Variants in KIRREL3 observed in about 807,000 individuals in gnomAD.
KIRREL3 encodes kirre like nephrin family adhesion molecule 3, also known as kin of IRRE-like protein 3.
KIRREL3 carries 36 observed loss-of-function variants against 89.7 expected under a neutral mutation model. The observed-to-expected ratio is 0.40, with a 90% CI of 0.31 to 0.53. KIRREL3 has a LOEUF of 0.53. Ranked by LOEUF, KIRREL3 falls within the 20% of genes least tolerant of loss-of-function variation. KIRREL3 has a pLI of 0.49. For missense variants in KIRREL3, 864 were observed against 1,056.6 expected, an observed-to-expected ratio of 0.82 and a Z score of 2.53; for synonymous variants, 445 against 441.4, an observed-to-expected ratio of 1.01 and a Z score of -0.10.
chr11:126,924,974 G>GA lies in KIRREL3; in HGVS notation c.55+75480dup, dbSNP rs56150011. On this transcript the variant is annotated intron_variant, in intron 1 of 16. Coordinates refer to ENST00000525144, the MANE Select transcript of KIRREL3 (RefSeq NM_032531.4). The surrounding 1 kb of genome is among the most constrained non-coding windows in gnomAD (Gnocchi z 4.7). ...CAGTGGAGGAGGTTGGGATAAAATT[G>GA]AAAAAAAAAAAAAACAGTCCTAGGA... 5.5e-4 allele frequency among the ~76,000 whole-genome samples: 78 copies of GA among 143,102 alleles called. No individual in the cohort carries two copies. The highest frequency in any genetic ancestry group is 4.0e-3 in the East Asian group (19 of 4,776). The allele number at this position is 143,102 out of a possible 152,430, so 93.9% of individuals were successfully genotyped here.
rs1939791268 is a variant in KIRREL3 at position 126,557,505 on chromosome 11, T to C, written c.133+5330A>G. ...GATTCCATTTTGCACATGAGAAGGT[T>C]GAGATCTTAGTGTCTAGGGACTTGC... On this transcript the variant is annotated intron_variant, in intron 2 of 16. Coordinates refer to ENST00000525144, the MANE Select transcript of KIRREL3 (RefSeq NM_032531.4). The surrounding 1 kb of genome is among the most constrained non-coding windows in gnomAD (Gnocchi z 5.6). Among the ~76,000 whole-genome samples, 1 of 152,174 alleles carries C rather than the reference T, an allele frequency of 6.6e-6. No homozygotes were observed. Among genetic ancestry groups the C allele is most frequent in the Non-Finnish European group, 1.5e-5 (1 of 68,026 alleles).
rs981472472 is a variant in KIRREL3 at position 126,574,275 on chromosome 11, C to T, written c.56-11363G>A. Among the ~76,000 whole-genome samples the T allele has an allele frequency of 6.6e-6, 1 of 152,192 alleles. No individual in the cohort carries two copies. Among genetic ancestry groups the T allele is most frequent in the Non-Finnish European group, 1.5e-5 (1 of 68,038 alleles). On this transcript the variant is annotated intron_variant, in intron 1 of 16. Coordinates refer to ENST00000525144, the MANE Select transcript of KIRREL3 (RefSeq NM_032531.4). This position sits in a 1 kb window ranked among gnomAD's most constrained non-coding sequence, Gnocchi z 5.3. ...TGCTAATGGCAGGGCTAGGATTTGACCACAACGCTTGGGGTAAAACCAAAC... is the reference window on the plus strand; with the variant it reads ...TGCTAATGGCAGGGCTAGGATTTGATCACAACGCTTGGGGTAAAACCAAAC...
rs1030743595 is a variant in KIRREL3, at chr11:126,890,311, G to A, written c.55+110144C>T. The stretch of plus-strand genomic sequence containing the variant: ...TCAGCCCTGACCAGCAACAATAGCC[G>A]AGAAAGGGCTTGTACTGGCCATGCC... On this transcript the variant is annotated intron_variant, in intron 1 of 16. Coordinates refer to ENST00000525144, the MANE Select transcript of KIRREL3 (RefSeq NM_032531.4). The surrounding 1 kb of genome is among the most constrained non-coding windows in gnomAD (Gnocchi z 5.1). Among the ~76,000 whole-genome samples, 9 of 152,298 alleles carry A rather than the reference G, an allele frequency of 5.9e-5. No individual in the cohort carries two copies. Among genetic ancestry groups the A allele is most frequent in the Admixed American group, 1.3e-4 (2 of 15,302 alleles).
chr11:126,811,671 CT>C lies in KIRREL3; in HGVS notation c.55+188783del, dbSNP rs1183584048. On this transcript the variant is annotated intron_variant, in intron 1 of 16. Coordinates refer to ENST00000525144, the MANE Select transcript of KIRREL3 (RefSeq NM_032531.4). The surrounding 1 kb of genome is among the most constrained non-coding windows in gnomAD (Gnocchi z 4.3). The stretch of plus-strand genomic sequence containing the variant: ...GCATGATCTCAGCTCATTGCAACCT[CT>C]GCCTCCTAGGTTCAAGAGATTACTC... Among the ~76,000 whole-genome samples, 6 of 152,176 alleles carry C rather than the reference CT, an allele frequency of 3.9e-5. No homozygotes were observed. The highest frequency in any genetic ancestry group is 3.9e-4 in the Admixed American group (6 of 15,272).
rs558203031 is a variant in KIRREL3, at chr11:126,501,738, T to G, written c.433+19577A>C. Among the ~76,000 whole-genome samples, 1 of 152,340 alleles carries G rather than the reference T, an allele frequency of 6.6e-6. No homozygotes were observed. The highest frequency in any genetic ancestry group is 2.4e-5 in the African/African-American group (1 of 41,578). On this transcript the variant is annotated intron_variant, in intron 4 of 16. Coordinates refer to ENST00000525144, the MANE Select transcript of KIRREL3 (RefSeq NM_032531.4). This position sits in a 1 kb window ranked among gnomAD's most constrained non-coding sequence, Gnocchi z 5.8. Reference sequence around the variant, plus strand: ...CTACACTTGCCAACTCGCCTGGCCCTGGGCACTGCTTGCCTCTGCCTGCCT... The same window carrying G: ...CTACACTTGCCAACTCGCCTGGCCCGGGGCACTGCTTGCCTCTGCCTGCCT...
intron 2 of KIRREL3, among the ~76,000 whole-genome samples, chr11:126,552,067 C>A (rs1001269832): frequency 6.6e-6 from 1 of 152,216 alleles, no homozygotes; most frequent in Non-Finnish European, 1.5e-5. Flanking sequence ...TCTTTTGGTT[C>A]GAGACTCTTT....
chr11:126,619,403 C>G (rs778744351), intron 1 of KIRREL3, among the ~76,000 whole-genome samples: 18 of 152,170 alleles, frequency 1.2e-4, no homozygotes, highest in Non-Finnish European at 1.8e-4. Flanking sequence ...ATAGCGAGGG[C>G]TTTGGATTTT....
At position 126,551,147 on chromosome 11, in the gene KIRREL3, CA is replaced by C. The variant is rs1939228321; in HGVS notation, c.133+11687del. Among the ~76,000 whole-genome samples the C allele has an allele frequency of 2.6e-5, 4 of 152,174 alleles. No individual in the cohort carries two copies. Among genetic ancestry groups the C allele is most frequent in the Non-Finnish European group, 4.4e-5 (3 of 68,032 alleles). ...ATTGGGGGGAAGGGGCAGGAGCTTC[CA>C]CGCCCTCCCTGAGTGCGCCACCCTC... On this transcript the variant is annotated intron_variant, in intron 2 of 16. Transcript: ENST00000525144. This position sits in a 1 kb window ranked among gnomAD's most constrained non-coding sequence, Gnocchi z 4.9.
rs1005059535 is a variant in KIRREL3, at chr11:126,643,789, A to C, written c.56-80877T>G. ...GCTGGTGACAGTAGAAATGGAGGAA[A>C]TAGAAAAGAGTTATTATGAACTGGT... On this transcript the variant is annotated intron_variant, in intron 1 of 16. Coordinates refer to ENST00000525144, the MANE Select transcript of KIRREL3 (RefSeq NM_032531.4). This position sits in a 1 kb window ranked among gnomAD's most constrained non-coding sequence, Gnocchi z 4.5. 1.3e-5 allele frequency among the ~76,000 whole-genome samples: 2 copies of C among 152,208 alleles called. No individual in the cohort carries two copies. The highest frequency in any genetic ancestry group is 3.8e-4 in the East Asian group (2 of 5,200).
Position 126,475,682 on chromosome 11 carries a change from C to G in KIRREL3, c.434-2216G>C, listed in dbSNP as rs993001808. ...GGGATGGATGGAGAAGACGACCCCC[C>G]AGCCGCCCACCCCACACCCTTTCAT... On this transcript the variant is annotated intron_variant, in intron 4 of 16. Transcript: ENST00000525144. This position sits in a 1 kb window ranked among gnomAD's most constrained non-coding sequence, Gnocchi z 7.5. Among the ~76,000 whole-genome samples, 17 of 152,328 alleles carry G rather than the reference C, an allele frequency of 1.1e-4. 1 individual carries two copies. The highest frequency in any genetic ancestry group is 8.3e-4 in the South Asian group (4 of 4,832).
intron 1 of KIRREL3, among the ~76,000 whole-genome samples, chr11:126,803,818 C>T (rs1192562345): frequency 6.6e-6 from 1 of 152,174 alleles, no homozygotes; most frequent in Non-Finnish European, 1.5e-5. Flanking sequence ...ACTAGATACA[C>T]TCAAGGGTAA....
chr11:126,887,096 G>C (rs567261903), intron 1 of KIRREL3, among the ~76,000 whole-genome samples: 2 of 152,150 alleles, frequency 1.3e-5, no homozygotes, highest in African/African-American at 4.8e-5. Flanking sequence ...AGCACAGGGG[G>C]ACAGCAGGAA....
At chr11:126,585,209 G>T (rs902287087) in intron 1 of KIRREL3, among the ~76,000 whole-genome samples, 2 of 143,746 alleles carry the variant, frequency 1.4e-5, no homozygotes, top group Admixed American at 1.4e-4. Context: ...GTGAGCCACC[G>T]CGCCCGGCCT....
rs560578371 is a variant in KIRREL3 at position 126,566,766 on chromosome 11, T to C, written c.56-3854A>G. 3.3e-5 allele frequency among the ~76,000 whole-genome samples: 5 copies of C among 152,288 alleles called. No individual in the cohort carries two copies. Among genetic ancestry groups the C allele is most frequent in the African/African-American group, 1.2e-4 (5 of 41,542 alleles). ...TCTTACTAGTAATGTAGTGATACGG[T>C]GGTATTATTTCATATTTGTGGGATA... is the stretch of plus-strand genomic sequence containing the variant. On this transcript the variant is annotated intron_variant, in intron 1 of 16. Coordinates refer to ENST00000525144, the MANE Select transcript of KIRREL3 (RefSeq NM_032531.4). The surrounding 1 kb of genome is among the most constrained non-coding windows in gnomAD (Gnocchi z 4.9).
chr11:126,695,329 A>G (rs1048249717), intron 1 of KIRREL3, among the ~76,000 whole-genome samples: 1 of 147,548 alleles, frequency 6.8e-6, no homozygotes, highest in Non-Finnish European at 1.5e-5. Context: ...AGGTTTCCCA[A>G]TTCCTGGCCC....
intron 1 of KIRREL3, among the ~76,000 whole-genome samples, chr11:126,893,791 A>C (rs1946024165): frequency 6.6e-6 from 1 of 152,254 alleles, no homozygotes; most frequent in Non-Finnish European, 1.5e-5. Flanking sequence ...ATACCTTAAC[A>C]TTCATAGTTT....
At chr11:126,592,676 A>G (rs953096097) in intron 1 of KIRREL3, among the ~76,000 whole-genome samples, 1 of 152,162 alleles carries the variant, frequency 6.6e-6, no homozygotes, top group Non-Finnish European at 1.5e-5. Context: ...GGCCAGAGGG[A>G]AGGGAGGAGG....
intron 1 of KIRREL3, among the ~76,000 whole-genome samples, chr11:126,629,485 C>T (rs1446157378): frequency 2.6e-5 from 4 of 152,082 alleles, no homozygotes; most frequent in East Asian, 1.9e-4. Context: ...TGGAGTGTGG[C>T]GGCAGAGCAG....
intron 1 of KIRREL3, among the ~76,000 whole-genome samples, chr11:126,826,374 T>C (rs1943413319): frequency 6.6e-6 from 1 of 152,220 alleles, no homozygotes; most frequent in African/African-American, 2.4e-5. Context: ...CTCATCATGA[T>C]TACTGACTTC....
Sources: gnomAD v4.1 joint callset for allele counts (sites outside exome capture counted in the v4.1 genomes callset) on GRCh38, gnomAD v4.1.1 for gene constraint, Gnocchi (gnomAD v3.1) non-coding constraint, MANE v1.5 for transcripts, NCBI Gene and HGNC (gene_info 2026-07-23, HGNC 2026-07-21) for gene names.